EPHA6: variants seen among roughly 807,000 people sequenced by gnomAD.
EPHA6 encodes the protein ephrin type-A receptor 6.
Under a neutral mutation model 112.0 loss-of-function variants are expected in EPHA6, and 50 were observed. That is an observed-to-expected ratio of 0.45 (90% CI 0.36 to 0.56). The LOEUF (loss-of-function observed/expected upper bound fraction) is 0.56. Among genes scored for constraint, EPHA6 ranks in the 20% least tolerant of loss-of-function variants. The pLI is 0.00. For synonymous variants in EPHA6, 529 were observed against 490.7 expected (o/e 1.08, Z -1.03); for missense variants, 1,280 against 1,417.4 (o/e 0.90, Z 1.56).
At chr3:96,933,880 T>C (rs2040454345) in intron 2 of EPHA6, among the ~76,000 whole-genome samples, 1 of 152,070 alleles carries the variant, frequency 6.6e-6, no homozygotes, top group Non-Finnish European at 1.5e-5. Context: ...TCCTGTTGTG[T>C]AACAGGAAAT....
intron 3 of EPHA6, among the ~76,000 whole-genome samples, chr3:97,045,864 TTTTA>T (rs1325186831): frequency 6.6e-6 from 1 of 152,076 alleles, no homozygotes; most frequent in Non-Finnish European, 1.5e-5. Context: ...CGCCATTCTT[TTTTA>T]TTTATTTCAT....
chr3:97,221,446 G>T (rs1190865011), intron 3 of EPHA6, among the ~76,000 whole-genome samples: 2 of 149,494 alleles, frequency 1.3e-5, no homozygotes, highest in African/African-American at 4.9e-5. Context: ...GTAGAATATA[G>T]ACATATGTTG....
At chr3:97,696,772 GA>G (rs2033070494) in intron 14 of EPHA6, among the ~76,000 whole-genome samples, 1 of 152,114 alleles carries the variant, frequency 6.6e-6, no homozygotes, top group African/African-American at 2.4e-5. Flanking sequence ...CTCAAAAGAG[GA>G]GGGTAGTATT....
At chr3:97,712,991 CT>C (rs1453923780) in intron 14 of EPHA6, among the ~76,000 whole-genome samples, 10 of 151,864 alleles carry the variant, frequency 6.6e-5, no homozygotes, top group African/African-American at 9.7e-5. Flanking sequence ...TCATCTGCCC[CT>C]ATTCTCTATG....
intron 6 of EPHA6, among the ~76,000 whole-genome samples, chr3:97,444,820 A>C (rs1326231130): frequency 6.6e-6 from 1 of 152,164 alleles, no homozygotes; most frequent in Non-Finnish European, 1.5e-5. Flanking sequence ...AAGAGGGTCC[A>C]TTTTAGTTAC....
At chr3:97,595,969 G>A (rs144228578) in intron 12 of EPHA6, among the ~76,000 whole-genome samples, 1,735 of 139,754 alleles carry the variant, frequency 0.012, 38 homozygotes, top group African/African-American at 0.044. Context: ...GCAGTGGCAC[G>A]ATCTCGGCTC....
chr3:97,498,554 G>C (rs1046253831), intron 10 of EPHA6, among the ~76,000 whole-genome samples: 1 of 152,110 alleles, frequency 6.6e-6, no homozygotes, highest in Non-Finnish European at 1.5e-5. Context: ...CAATTAGTGT[G>C]AATGTTGTCT....
chr3:97,113,901 G>A (rs2047803133), intron 3 of EPHA6, among the ~76,000 whole-genome samples: 1 of 152,114 alleles, frequency 6.6e-6, no homozygotes, highest in African/African-American at 2.4e-5. Context: ...TGTTATGAGA[G>A]ATATAGTGAG....
At chr3:97,413,584 A>G (rs2087889235) in intron 6 of EPHA6, among the ~76,000 whole-genome samples, 1 of 152,032 alleles carries the variant, frequency 6.6e-6, no homozygotes, top group African/African-American at 2.4e-5. Flanking sequence ...TTGAAAAGTG[A>G]GTGCAATGGA....
At chr3:97,070,296 T>C (rs774642937) in intron 3 of EPHA6, among the ~76,000 whole-genome samples, 4 of 152,142 alleles carry the variant, frequency 2.6e-5, no homozygotes, top group Non-Finnish European at 4.4e-5. Context: ...TAAATAAATA[T>C]TGCTTGATTA....
At chr3:97,075,737 G>A (rs1181939187) in intron 3 of EPHA6, among the ~76,000 whole-genome samples, 1 of 151,292 alleles carries the variant, frequency 6.6e-6, no homozygotes, top group East Asian at 1.9e-4. Context: ...GAAGGTTGTG[G>A]CAATCTTGCA....
intron 2 of EPHA6, among the ~76,000 whole-genome samples, chr3:96,881,779 G>C (rs2037329081): frequency 2.0e-5 from 3 of 152,150 alleles, no homozygotes; most frequent in Admixed American, 2.0e-4. Flanking sequence ...TTACTTCCTG[G>C]GTACAGGCAT....
intron 15 of EPHA6, among the ~76,000 whole-genome samples, chr3:97,722,071 T>A (rs1486600400): frequency 6.6e-6 from 1 of 152,118 alleles, no homozygotes; most frequent in Non-Finnish European, 1.5e-5. Context: ...AGATGAGTTA[T>A]AGTCTTCACT....
At chr3:96,908,336 G>A (rs967177495) in intron 2 of EPHA6, among the ~76,000 whole-genome samples, 2 of 151,896 alleles carry the variant, frequency 1.3e-5, no homozygotes, top group South Asian at 4.1e-4. Context: ...TATATTATAG[G>A]AATAAAGCTG....
At chr3:97,642,661 G>T (rs1351516814) in intron 14 of EPHA6, among the ~76,000 whole-genome samples, 2 of 152,146 alleles carry the variant, frequency 1.3e-5, no homozygotes, top group Non-Finnish European at 1.5e-5. Flanking sequence ...CTTAGGAGCC[G>T]ATGCGATCAA....
intron 5 of EPHA6, among the ~76,000 whole-genome samples, chr3:97,328,041 ACAC>A (rs1283704745): frequency 4.0e-4 from 25 of 62,598 alleles, no homozygotes; most frequent in African/African-American, 1.4e-3. Flanking sequence ...GTATATATAC[ACAC>A]ATATATACAC....
rs534749248 is a variant in EPHA6, at chr3:97,698,386, C to T, written c.2785-21875C>T. Among the ~76,000 whole-genome samples the T allele has an allele frequency of 1.1e-4, 17 of 152,014 alleles. No homozygotes were observed. In the South Asian group the frequency reaches 1.2e-3, roughly 11 times the overall value. ...AAAATGCATGATAATCAAACTGCTT[C>T]ACAATCTATTTCTTGAATTAAAGGT... is the stretch of plus-strand genomic sequence containing the variant. On this transcript the variant is annotated intron_variant, in intron 14 of 17. Coordinates refer to ENST00000389672, the MANE Select transcript of EPHA6 (RefSeq NM_001080448.3).
At chr3:97,157,870 C>T (rs1284422809) in intron 3 of EPHA6, among the ~76,000 whole-genome samples, 1 of 152,028 alleles carries the variant, frequency 6.6e-6, no homozygotes, top group African/African-American at 2.4e-5. Context: ...TTTATCTCAT[C>T]GAGAAACACG....
chr3:97,200,627 C>T (rs1216830557), intron 3 of EPHA6, among the ~76,000 whole-genome samples: 1 of 152,062 alleles, frequency 6.6e-6, no homozygotes, highest in Admixed American at 6.6e-5. Context: ...GATTGACAGC[C>T]TCCATTACCC....
Sources: allele counts gnomAD v4.1 joint callset (sites outside exome capture counted in the v4.1 genomes callset), GRCh38; gene constraint gnomAD v4.1.1; transcripts MANE v1.5; gene names NCBI Gene and HGNC (gene_info 2026-07-23, HGNC 2026-07-21).